The following ARHGEF3 variants were observed in gnomAD, a reference collection of about 807,000 sequenced individuals.
ARHGEF3 encodes the protein 59.8 kDA protein.
A neutral mutation model predicts 63.2 loss-of-function variants in ARHGEF3; 28 were observed. The observed-to-expected ratio is 0.44, with a 90% CI of 0.33 to 0.61. ARHGEF3 has a LOEUF of 0.61. Ranked by LOEUF, ARHGEF3 falls within the 20% of genes least tolerant of loss-of-function variation. The probability of loss-of-function intolerance (pLI) is 0.03; values close to 1 mark genes in which losing one functional copy is unlikely to be tolerated. For synonymous variants in ARHGEF3, 266 were observed against 254.2 expected, an observed-to-expected ratio of 1.05 and a Z score of -0.44; for missense variants, 533 against 659.3, an observed-to-expected ratio of 0.81 and a Z score of 2.10.
chr3:56,973,531 T>C, intron 2 of ARHGEF3, among the ~76,000 whole-genome samples: 1 of 152,126 alleles, frequency 6.6e-6, no homozygotes, highest in East Asian at 1.9e-4. Context: ...GATGTGGAAT[T>C]AGCTGCTAAA....
chr3:57,006,977 G>A (rs1645471091), intron 2 of ARHGEF3, among the ~76,000 whole-genome samples: 1 of 152,154 alleles, frequency 6.6e-6, no homozygotes, highest in South Asian at 2.1e-4. Flanking sequence ...CTGACACACG[G>A]TGAGAATTTG....
At chr3:56,891,255 C>T (rs1357055825) in intron 3 of ARHGEF3, among the ~76,000 whole-genome samples, 1 of 151,386 alleles carries the variant, frequency 6.6e-6, no homozygotes, top group African/African-American at 2.4e-5. Flanking sequence ...TGAGCTCAAG[C>T]AATCCTCTCG....
chr3:56,838,954 ACC>A (rs3034848), intron 4 of ARHGEF3, among the ~76,000 whole-genome samples: 130,941 of 151,644 alleles, frequency 0.86, 56,606 homozygotes, highest in East Asian at 0.97. Context: ...ACATAGTGAG[ACC>A]CCCCTATCTC....
chr3:56,779,594 G>T (rs917853490), intron 1 of ARHGEF3, among the ~76,000 whole-genome samples: 1 of 152,094 alleles, frequency 6.6e-6, no homozygotes, highest in Non-Finnish European at 1.5e-5. Context: ...CCGGGTTCAC[G>T]CCATGGACAA....
chr3:56,952,611 C>A (rs918282724), intron 3 of ARHGEF3, among the ~76,000 whole-genome samples: 1 of 152,128 alleles, frequency 6.6e-6, no homozygotes, highest in Non-Finnish European at 1.5e-5. Flanking sequence ...CTATACCCAC[C>A]TCTTAAGATT....
At chr3:57,040,455 C>T (rs1183982142) in intron 1 of ARHGEF3, among the ~76,000 whole-genome samples, 2 of 120,646 alleles carry the variant, frequency 1.7e-5, no homozygotes, top group Admixed American at 8.0e-5. Context: ...CCAGCCTGGG[C>T]GACAGAATAA....
intron 4 of ARHGEF3, among the ~76,000 whole-genome samples, chr3:56,819,405 G>A (rs966482615): frequency 4.6e-5 from 7 of 152,036 alleles, no homozygotes; most frequent in Non-Finnish European, 1.0e-4. Context: ...TTTTTCTTCT[G>A]AGAAGCTTTC....
intron 3 of ARHGEF3, among the ~76,000 whole-genome samples, chr3:56,890,442 T>C (rs1438617433): frequency 6.6e-6 from 1 of 152,240 alleles, no homozygotes; most frequent in Non-Finnish European, 1.5e-5. Context: ...AAAAATGTAA[T>C]TATTATTGCT....
intron 4 of ARHGEF3, among the ~76,000 whole-genome samples, chr3:56,867,609 A>G (rs1275784495): frequency 1.3e-5 from 2 of 152,052 alleles, no homozygotes; most frequent in African/African-American, 4.8e-5. Flanking sequence ...AGTAGCCAGG[A>G]CCACAGGCAC....
chr3:56,966,922 A>G (rs7373551), intron 2 of ARHGEF3, among the ~76,000 whole-genome samples: 114,901 of 149,804 alleles, frequency 0.77, 45,160 homozygotes, highest in Middle Eastern at 0.85. Context: ...GGAGTGCAAT[A>G]GCGCAATCTC....
At chr3:56,948,486 G>A (rs1699632127) in intron 3 of ARHGEF3, among the ~76,000 whole-genome samples, 1 of 152,182 alleles carries the variant, frequency 6.6e-6, no homozygotes, top group Non-Finnish European at 1.5e-5. Context: ...TACCATCACA[G>A]AATACTATAA....
chr3:56,846,503 G>T (rs2039496500), intron 4 of ARHGEF3, among the ~76,000 whole-genome samples: 1 of 152,178 alleles, frequency 6.6e-6, no homozygotes, highest in Non-Finnish European at 1.5e-5. Context: ...GTGGGTACAA[G>T]TGCTGTTTTG....
Position 56,751,041 on chromosome 3 carries a change from A to C in ARHGEF3, c.612+15T>G. The C allele has an allele frequency of 6.2e-7, 1 of 1,607,464 alleles. No individual in the cohort carries two copies. Among genetic ancestry groups the C allele is most frequent in the Non-Finnish European group, 8.5e-7 (1 of 1,175,682 alleles). On this transcript the variant is annotated intron_variant, in intron 6 of 9. Coordinates refer to ENST00000296315, the MANE Select transcript of ARHGEF3 (RefSeq NM_019555.3). ...TTGAAATTTATCTTCAATAAAGACC[A>C]GAGAACTTTCTTACCCAGCCCACGA...
chr3:57,075,683 G>A (rs1429626612), intron 1 of ARHGEF3, among the ~76,000 whole-genome samples: 1 of 152,088 alleles, frequency 6.6e-6, no homozygotes, highest in Non-Finnish European at 1.5e-5. Flanking sequence ...GGTGGTGCAT[G>A]CCCATAGTCC....
At chr3:56,757,671 T>C (rs1320639822) in intron 2 of ARHGEF3, among the ~76,000 whole-genome samples, 2 of 152,010 alleles carry the variant, frequency 1.3e-5, no homozygotes, top group African/African-American at 4.8e-5. Context: ...AATTCTATTG[T>C]TGTTTCATGT....
chr3:56,982,380 C>A (rs1406876975), intron 2 of ARHGEF3, among the ~76,000 whole-genome samples: 1 of 152,116 alleles, frequency 6.6e-6, no homozygotes, highest in Non-Finnish European at 1.5e-5. Context: ...TCCCAGGGGA[C>A]CATCCAGAGT....
intron 2 of ARHGEF3, among the ~76,000 whole-genome samples, chr3:56,981,606 A>G (rs1207404665): frequency 6.6e-6 from 1 of 152,228 alleles, no homozygotes; most frequent in Non-Finnish European, 1.5e-5. Flanking sequence ...TAATTCAGTC[A>G]TATCTGTTTT....
chr3:56,959,190 G>A (rs1700171783), intron 2 of ARHGEF3, among the ~76,000 whole-genome samples: 1 of 152,142 alleles, frequency 6.6e-6, no homozygotes, highest in African/African-American at 2.4e-5. Flanking sequence ...CCCAATCTTT[G>A]TCTTGAATTT....
At chr3:57,026,520 C>T (rs1010484729) in intron 2 of ARHGEF3, among the ~76,000 whole-genome samples, 1 of 152,200 alleles carries the variant, frequency 6.6e-6, no homozygotes, top group Non-Finnish European at 1.5e-5. Context: ...CACACTCTCA[C>T]CTGGCAGGAA....
Sources: allele counts gnomAD v4.1 joint callset (sites outside exome capture counted in the v4.1 genomes callset), GRCh38; gene constraint gnomAD v4.1.1; transcripts MANE v1.5; gene names NCBI Gene and HGNC (gene_info 2026-07-23, HGNC 2026-07-21).